ETHE1: variants seen among roughly 807,000 people sequenced by gnomAD.
The protein encoded by ETHE1 is ETHE1 persulfide dioxygenase.
Under a neutral mutation model 25.7 loss-of-function variants are expected in ETHE1, and 16 were observed. That is an observed-to-expected ratio of 0.62 (90% CI 0.42 to 0.95). The LOEUF is 0.95. ETHE1 is among the 40% of genes least tolerant of loss of function. The pLI, the probability that ETHE1 is intolerant of heterozygous loss-of-function variation, is 0.00. For missense variants in ETHE1, 300 were observed against 333.6 expected (o/e 0.90, Z 0.79); for synonymous variants, 139 against 135.9 (o/e 1.02, Z -0.16).
chr19:43,525,910 G>C, intron 3 of ETHE1: 2 of 485,104 alleles, frequency 4.1e-6, no homozygotes, highest in Non-Finnish European at 7.5e-6. Flanking sequence ...AACTTTTATG[G>C]AGATGCATGC....
rs143216699 is a variant in ETHE1 at position 43,515,143 on chromosome 19, G to A, written c.376-3577C>T. ...AAAAAATAGGCAGTGGTGGCTGGGCGCTGTGGCTCATACCTGTAATCCCAG... is the reference window on the plus strand; with the variant it reads ...AAAAAATAGGCAGTGGTGGCTGGGCACTGTGGCTCATACCTGTAATCCCAG... On this transcript the variant is annotated intron_variant, in intron 3 of 6. Transcript: ENST00000292147. Among the ~76,000 whole-genome samples the A allele has an allele frequency of 4.5e-3, 684 of 152,126 alleles. 8 individuals carry two copies. The highest frequency in any genetic ancestry group is 0.015 in the African/African-American group (626 of 41,518).
chr19:43,526,262 A>G lies in ETHE1; in HGVS notation c.314T>C (p.Leu105Pro), dbSNP rs1251674977. 2 of 1,614,000 alleles carry G rather than the reference A, an allele frequency of 1.2e-6. No individual in the cohort carries two copies. Among genetic ancestry groups the G allele is most frequent in the African/African-American group, 2.7e-5 (2 of 74,890 alleles). The change falls in exon 3 of 7, where the codon CTT becomes CCT. Residue 105 changes from leucine (L) to proline (P), a missense_variant. Physicochemically the swap from Leu to Pro is moderately conservative, Grantham distance 98. Transcript: ENST00000292147. ...GTGTAAGTCAGCCTGGGCCCCACTA[A>G]GGCGGGAGATGACAGACTGGCAGCC... ...LPGCQSVISRLSGAQADLHIE... is the reference protein window; with the variant it reads ...LPGCQSVISRPSGAQADLHIE...
intron 3 of ETHE1, among the ~76,000 whole-genome samples, chr19:43,518,814 A>G (rs1972077167): frequency 6.6e-6 from 1 of 151,676 alleles, no homozygotes; most frequent in African/African-American, 2.4e-5. Context: ...AGGTTTTGTA[A>G]AAGAGGAAGT....
chr19:43,524,054 G>A lies in ETHE1; in HGVS notation c.375+2147C>T, dbSNP rs558182807. ...AGTTGGAGACCAGCCTGACCAATAC[G>A]GAGAAACCCCGTCTCTACTAAAAAT... On this transcript the variant is annotated intron_variant, in intron 3 of 6. Transcript: ENST00000292147. 5.3e-5 allele frequency among the ~76,000 whole-genome samples: 8 copies of A among 152,074 alleles called. No homozygotes were observed. The East Asian group carries it at 1.4e-3, about 26-fold the overall frequency.
At chr19:43,518,151 CAA>C (rs1972060903) in intron 3 of ETHE1, among the ~76,000 whole-genome samples, 1 of 149,396 alleles carries the variant, frequency 6.7e-6, no homozygotes. Flanking sequence ...AAAGAAAACA[CAA>C]ACACACACAC....
chr19:43,511,661 G>C (rs1240304727), intron 3 of ETHE1, 95 bp from the exon 4 acceptor site: 2 of 1,401,306 alleles, frequency 1.4e-6, no homozygotes, highest in African/African-American at 2.9e-5. Context: ...GTCTTATCTA[G>C]ATAAACATTT....
chr19:43,526,626 G>C lies in ETHE1; in HGVS notation c.115C>G (p.Leu39Val), dbSNP rs201260191. The part of the protein sequence containing the change: ...FEPVSCTFTY[L>V]LGDRESREAV... ...TCCCGGGACTCTCTGTCACCCAGCA[G>C]GTACGTGAAGGTGCAGCTCACAGGC... Residue 39 changes from leucine (L) to valine (V), a missense_variant, in exon 2 of 7, where the codon CTG (leucine) becomes GTG (valine). Leu to Val is a conservative substitution (Grantham distance 32). Transcript: ENST00000292147. 148 of 1,613,960 alleles carry C rather than the reference G, an allele frequency of 9.2e-5. No individual in the cohort carries two copies. The highest frequency in any genetic ancestry group is 8.2e-5 in the Non-Finnish European group (97 of 1,180,012).
At position 43,526,670 on chromosome 19, in the gene ETHE1, G is replaced by A; in HGVS notation, c.82-11C>T. ...CACAGGCTCGAACATCTGGGAACGG[G>A]GGACCCAGGTGAGGGCGCAGAACCG... On this transcript the variant is annotated splice_polypyrimidine_tract_variant and intron_variant, in intron 1 of 6. Coordinates refer to ENST00000292147, the MANE Select transcript of ETHE1 (RefSeq NM_014297.5). 6.2e-7 allele frequency: 1 copy of A among 1,613,080 alleles called. No individual in the cohort carries two copies. The highest frequency in any genetic ancestry group is 8.5e-7 in the Non-Finnish European group (1 of 1,180,026).
chr19:43,509,424 G>A (rs1056705638), intron 4 of ETHE1, among the ~76,000 whole-genome samples: 7 of 151,756 alleles, frequency 4.6e-5, no homozygotes, highest in African/African-American at 1.7e-4. Flanking sequence ...TTGAACCCAG[G>A]AGGCGGAGGT....
At chr19:43,513,458 T>C (rs1971959241) in intron 3 of ETHE1, among the ~76,000 whole-genome samples, 1 of 152,194 alleles carries the variant, frequency 6.6e-6, no homozygotes, top group South Asian at 2.1e-4. Flanking sequence ...GGAACCCACC[T>C]CTTGCATCAG....
At chr19:43,525,916 C>T (rs1972233675) in intron 3 of ETHE1, 1 of 500,602 alleles carries the variant, frequency 2.0e-6, no homozygotes, top group Admixed American at 3.2e-5. Flanking sequence ...TATGGAGATG[C>T]ATGCCAGGCC....
intron 3 of ETHE1, among the ~76,000 whole-genome samples, chr19:43,512,128 T>C (rs148876440): frequency 0.017 from 2,553 of 152,302 alleles, 38 homozygotes; most frequent in Middle Eastern, 0.071. Flanking sequence ...CCTCTTTTTC[T>C]TTATAAATGA....
At chr19:43,512,405 A>G (rs568845745) in intron 3 of ETHE1, among the ~76,000 whole-genome samples, 113 of 152,314 alleles carry the variant, frequency 7.4e-4, no homozygotes, top group African/African-American at 2.6e-3. Context: ...ATGGTCTTAC[A>G]TGGAGATGAG....
rs1369361569 is a variant in ETHE1, at chr19:43,519,010, T to G, written c.375+7191A>C. On this transcript the variant is annotated intron_variant, in intron 3 of 6. Transcript: ENST00000292147. The stretch of plus-strand genomic sequence containing the variant: ...TGAAATTTGTGCTTGTTTTTTTTTT[T>G]TTTTTTTTTTTTTTTTTTTGAGACA... 6.0e-3 allele frequency among the ~76,000 whole-genome samples: 348 copies of G among 57,856 alleles called. 1 individual carries two copies. Among genetic ancestry groups the G allele is most frequent in the Non-Finnish European group, 9.0e-3 (253 of 28,044 alleles). 38.0% of individuals were successfully genotyped at this position (57,856 alleles called of 152,430 possible).
chr19:43,526,004 C>T, intron 3 of ETHE1, 197 bp downstream of exon 3: 2 of 700,808 alleles, frequency 2.9e-6, no homozygotes, highest in South Asian at 1.8e-5. Context: ...GCCCCACCTG[C>T]CCAGAGCCTC....
chr19:43,521,282 G>A (rs6509094), intron 3 of ETHE1, among the ~76,000 whole-genome samples: 26,508 of 152,018 alleles, frequency 0.17, 2,411 homozygotes, highest in Non-Finnish European at 0.19. Flanking sequence ...CCGAGACTGC[G>A]CCACTGCACT....
At position 43,506,872 on chromosome 19, in the gene ETHE1, C is replaced by A; in HGVS notation, c.743G>T (p.Gly248Val). 6.2e-7 allele frequency: 1 copy of A among 1,613,828 alleles called. No individual in the cohort carries two copies. Among genetic ancestry groups the A allele is most frequent in the South Asian group, 1.1e-5 (1 of 91,066 alleles). Residue 248 changes from glycine (G) to valine (V), a missense_variant, in exon 7 of 7, where the codon GGG becomes GTG. Coordinates refer to ENST00000292147, the MANE Select transcript of ETHE1 (RefSeq NM_014297.5). ...DFAVPANMRCGVQTPTA is the reference protein window; with the variant it reads ...DFAVPANMRCVVQTPTA The stretch of plus-strand genomic sequence containing the variant: ...AGATCAGGCAGTGGGTGTCTGCACC[C>A]CACAGCGCATGTTGGCTGGAACAGC...
At chr19:43,508,404 G>T (rs1971838751) in intron 5 of ETHE1, among the ~76,000 whole-genome samples, 1 of 138,834 alleles carries the variant, frequency 7.2e-6, no homozygotes, top group Admixed American at 7.6e-5. Context: ...CTGGAATATA[G>T]TGGTACAATC....
chr19:43,512,608 A>C (rs528734047), intron 3 of ETHE1, among the ~76,000 whole-genome samples: 45 of 152,170 alleles, frequency 3.0e-4, no homozygotes, highest in Non-Finnish European at 5.6e-4. Flanking sequence ...AGCATTCAAG[A>C]GGTGACTTGA....
Sources: allele counts gnomAD v4.1 joint callset (sites outside exome capture counted in the v4.1 genomes callset), GRCh38; gene constraint gnomAD v4.1.1; transcripts MANE v1.5; gene names NCBI Gene and HGNC (gene_info 2026-07-23, HGNC 2026-07-21).